The following LCORL variants were observed in gnomAD, a reference collection of about 807,000 sequenced individuals.
LCORL encodes ligand dependent nuclear receptor corepressor like.
A neutral mutation model predicts 141.8 loss-of-function variants in LCORL; 41 were observed. That is an observed-to-expected ratio of 0.29 (90% CI 0.23 to 0.38). LCORL has a LOEUF of 0.38. Ranked by LOEUF, LCORL falls within the 10% of genes least tolerant of loss-of-function variation. The pLI is 1.00. For synonymous variants in LCORL, 618 were observed against 694.1 expected, an observed-to-expected ratio of 0.89 and a Z score of 1.72; for missense variants, 1,759 against 2,035.0, an observed-to-expected ratio of 0.86 and a Z score of 2.61.
chr4:17,960,915 C>A (rs1713650041), intron 4 of LCORL, among the ~76,000 whole-genome samples: 1 of 151,998 alleles, frequency 6.6e-6, no homozygotes, highest in African/African-American at 2.4e-5. Context: ...TATTAAGACT[C>A]TTCTAATAAG....
intron 4 of LCORL, among the ~76,000 whole-genome samples, chr4:17,922,644 C>A (rs1330151553): frequency 6.6e-6 from 1 of 152,132 alleles, no homozygotes; most frequent in African/African-American, 2.4e-5. Flanking sequence ...GAAAATCAGA[C>A]ACAAGCTCTT....
intron 4 of LCORL, among the ~76,000 whole-genome samples, chr4:17,910,963 C>T (rs564711030): frequency 6.6e-6 from 1 of 152,166 alleles, no homozygotes; most frequent in African/African-American, 2.4e-5. Context: ...AAGAGGGACA[C>T]TATTCGTTTT....
rs141858316 is a variant in LCORL at position 18,003,488 on chromosome 4, T to C, written c.154+18110A>G. ...CCAGAGAAATAGACTTTGTATTTGG[T>C]AGAGAGAGATCAAGAGTTAACTTTT... On this transcript the variant is annotated intron_variant, in intron 1 of 7. Coordinates refer to ENST00000635767, the Ensembl canonical transcript of LCORL. Among the ~76,000 whole-genome samples, 1,233 of 152,242 alleles carry C rather than the reference T, an allele frequency of 8.1e-3. 13 individuals are homozygous for C. Among genetic ancestry groups the C allele is most frequent in the African/African-American group, 0.028 (1,152 of 41,526 alleles).
chr4:17,942,498 A>G (rs1175075946), intron 4 of LCORL, among the ~76,000 whole-genome samples: 1 of 152,200 alleles, frequency 6.6e-6, no homozygotes, highest in East Asian at 1.9e-4. Context: ...TAAGACTGTA[A>G]GCAAAATGCA....
At chr4:17,909,188 G>A in exon 5 of LCORL, 1 of 1,613,340 alleles carries the variant, frequency 6.2e-7, no homozygotes. Context: ...GATTCATTTG[G>A]ATACTTTTAC....
At chr4:17,852,363 A>G (rs1723845441) in intron 7 of LCORL, among the ~76,000 whole-genome samples, 1 of 152,120 alleles carries the variant, frequency 6.6e-6, no homozygotes, top group Admixed American at 6.6e-5. Flanking sequence ...CTGGACAAGT[A>G]ACCTTAACCT....
At chr4:17,906,841 C>T (rs56826859) in intron 5 of LCORL, among the ~76,000 whole-genome samples, 11,867 of 152,052 alleles carry the variant, frequency 0.078, 940 homozygotes, top group African/African-American at 0.21. Flanking sequence ...CATGTGCCAC[C>T]ACGCCCAGCT....
intron 7 of LCORL, among the ~76,000 whole-genome samples, chr4:17,865,295 G>A (rs180906501): frequency 1.0e-3 from 156 of 152,234 alleles, no homozygotes; most frequent in African/African-American, 3.5e-3. Flanking sequence ...ATCACAAACA[G>A]TATATTAGAA....
At chr4:18,005,004 ACCT>A (rs1461754048) in intron 1 of LCORL, among the ~76,000 whole-genome samples, 1 of 150,472 alleles carries the variant, frequency 6.6e-6, no homozygotes, top group Non-Finnish European at 1.5e-5. Flanking sequence ...TGCAACCTCC[ACCT>A]CCTGGGTTCA....
intron 4 of LCORL, among the ~76,000 whole-genome samples, chr4:17,925,778 G>A (rs2109395265): frequency 6.6e-6 from 1 of 151,068 alleles, no homozygotes; most frequent in Non-Finnish European, 1.5e-5. Context: ...GGCTGAGGCA[G>A]GAGAAACGTT....
At chr4:17,981,625 C>A (rs1718004688) in intron 1 of LCORL, among the ~76,000 whole-genome samples, 1 of 152,012 alleles carries the variant, frequency 6.6e-6, no homozygotes, top group Non-Finnish European at 1.5e-5. Flanking sequence ...GTAGTCCCAG[C>A]TACTCAGGAG....
intron 1 of LCORL, among the ~76,000 whole-genome samples, chr4:18,000,284 G>GA (rs963196488): frequency 1.7e-4 from 25 of 151,342 alleles, no homozygotes; most frequent in African/African-American, 5.6e-4. Flanking sequence ...AACTTGGTGA[G>GA]AAAAAAACAA....
chr4:17,930,429 A>C (rs1735836592), intron 4 of LCORL, among the ~76,000 whole-genome samples: 1 of 152,228 alleles, frequency 6.6e-6, no homozygotes, highest in Non-Finnish European at 1.5e-5. Context: ...ACACAGGAGA[A>C]TAATGTCTTG....
intron 7 of LCORL, among the ~76,000 whole-genome samples, chr4:17,862,873 T>C (rs891722439): frequency 5.9e-5 from 9 of 152,110 alleles, no homozygotes; most frequent in Admixed American, 3.3e-4. Context: ...AATTGACACA[T>C]AGGACCTAAT....
chr4:18,001,305 A>G (rs956389678), intron 1 of LCORL, among the ~76,000 whole-genome samples: 3 of 152,232 alleles, frequency 2.0e-5, no homozygotes, highest in African/African-American at 7.2e-5. Flanking sequence ...TAGATAGTCA[A>G]TAAAAGCTGC....
At chr4:17,880,314 T>C (rs552551155) in intron 6 of LCORL, 13 of 445,872 alleles carry the variant, frequency 2.9e-5, no homozygotes, top group Middle Eastern at 2.3e-3. Flanking sequence ...TAGTAATGAG[T>C]AAATAATAGT....
At chr4:17,896,027 A>G (rs901783961) in intron 5 of LCORL, among the ~76,000 whole-genome samples, 2 of 152,168 alleles carry the variant, frequency 1.3e-5, no homozygotes, top group South Asian at 2.1e-4. Context: ...TTGTGTGGAC[A>G]TATGTTTTCG....
chr4:17,917,757 G>A (rs953745798), intron 4 of LCORL, among the ~76,000 whole-genome samples: 2 of 151,994 alleles, frequency 1.3e-5, no homozygotes, highest in African/African-American at 2.4e-5. Context: ...GGTGGGAGGC[G>A]GAATGCAACT....
chr4:18,008,193 C>A (rs974016130), intron 1 of LCORL, among the ~76,000 whole-genome samples: 1 of 152,164 alleles, frequency 6.6e-6, no homozygotes, highest in Non-Finnish European at 1.5e-5. Context: ...CAAGTCTGTG[C>A]CATGGAAAAG....
Sources: allele counts gnomAD v4.1 joint callset (sites outside exome capture counted in the v4.1 genomes callset), GRCh38; gene constraint gnomAD v4.1.1; transcripts MANE v1.5; gene names NCBI Gene and HGNC (gene_info 2026-07-23, HGNC 2026-07-21).